Variants in KPNA3 observed in about 807,000 individuals in gnomAD.
The protein encoded by KPNA3 is importin subunit alpha-4.
Under a neutral mutation model 73.8 loss-of-function variants are expected in KPNA3, and 13 were observed. The ratio of observed to expected loss-of-function variants is 0.18; its 90% CI spans 0.11 to 0.28. The LOEUF (loss-of-function observed/expected upper bound fraction) is 0.28. Ranked by LOEUF, KPNA3 falls within the 10% of genes least tolerant of loss-of-function variation. The pLI is 1.00. For missense variants in KPNA3, 360 were observed against 618.1 expected, an observed-to-expected ratio of 0.58 and a Z score of 4.43; for synonymous variants, 186 against 206.9, an observed-to-expected ratio of 0.90 and a Z score of 0.87.
chr13:49,776,913 A>G lies in KPNA3; in HGVS notation c.69+15525T>C, dbSNP rs543051499. ...ATTTACAGTCAGTTCAAATTTATAA[A>G]AAGATACTAACTGTATAGTCCATTG... On this transcript the variant is annotated intron_variant, in intron 1 of 16. Coordinates refer to ENST00000261667, the MANE Select transcript of KPNA3 (RefSeq NM_002267.4). Among the ~76,000 whole-genome samples the G allele has an allele frequency of 3.3e-5, 5 of 152,366 alleles. No individual in the cohort carries two copies. The East Asian group carries it at 9.6e-4, about 29-fold the overall frequency.
At chr13:49,710,004 A>C (rs1218245258) in intron 11 of KPNA3, among the ~76,000 whole-genome samples, 1 of 152,154 alleles carries the variant, frequency 6.6e-6, no homozygotes, top group African/African-American at 2.4e-5. Context: ...GCTCATGCCT[A>C]TAATCCCAGC....
chr13:49,746,811 A>G lies in KPNA3; in HGVS notation c.114+138T>C. 6 of 631,604 alleles carry G rather than the reference A, an allele frequency of 9.5e-6. No individual in the cohort carries two copies. The South Asian group carries it at 1.2e-4, about 12-fold the overall frequency. The allele number at this position is 631,604 out of a possible 1,614,324, so 39.1% of individuals were successfully genotyped here. ...TAAATGAAAGCTATTATGAATAAGT[A>G]CCATGATAAAGTATCCAGTGATGTG... On this transcript the variant is annotated intron_variant, in intron 2 of 16. Transcript: ENST00000261667.
intron 2 of KPNA3, among the ~76,000 whole-genome samples, chr13:49,737,591 G>C (rs1223668295): frequency 6.7e-6 from 1 of 148,344 alleles, no homozygotes; most frequent in African/African-American, 2.5e-5. Flanking sequence ...GTGTGTGTGT[G>C]TGTGTGTGTG....
rs775786299 is a variant in KPNA3, at chr13:49,700,458, T to A, written c.*1342A>T. On this transcript the variant is annotated 3_prime_UTR_variant, in exon 17 of 17. Coordinates refer to ENST00000261667, the MANE Select transcript of KPNA3 (RefSeq NM_002267.4). Reference sequence around the variant, plus strand: ...CCATATTCTTTCATTAATAACTGGGTCAGACAATTTACCAAAAGCAATAAC... The same window carrying A: ...CCATATTCTTTCATTAATAACTGGGACAGACAATTTACCAAAAGCAATAAC... The A allele has an allele frequency of 9.2e-5, 14 of 152,638 alleles. No homozygotes were observed. Among genetic ancestry groups the A allele is most frequent in the Non-Finnish European group, 1.8e-4 (12 of 68,040 alleles). 9.5% of individuals were successfully genotyped at this position (152,638 alleles called of 1,614,324 possible). A position where few individuals can be genotyped will look rare whatever the true frequency, so the allele number is the denominator to read the frequency against.
chr13:49,753,895 A>G (rs926636017), intron 1 of KPNA3, among the ~76,000 whole-genome samples: 2 of 152,230 alleles, frequency 1.3e-5, no homozygotes, highest in African/African-American at 4.8e-5. Flanking sequence ...CTGGTGCCAT[A>G]AAGGTTGGGG....
At chr13:49,766,798 T>G (rs1451746358) in intron 1 of KPNA3, among the ~76,000 whole-genome samples, 2 of 152,056 alleles carry the variant, frequency 1.3e-5, no homozygotes, top group East Asian at 3.9e-4. Context: ...CATCAAAAAT[T>G]AAAGCTTGTT....
chr13:49,718,222 C>T (rs922345503), intron 10 of KPNA3, among the ~76,000 whole-genome samples: 1 of 152,152 alleles, frequency 6.6e-6, no homozygotes, highest in African/African-American at 2.4e-5. Flanking sequence ...CAGAGAGATC[C>T]AGCACAGCAA....
At chr13:49,789,456 T>C (rs1384548396) in intron 1 of KPNA3, among the ~76,000 whole-genome samples, 1 of 152,220 alleles carries the variant, frequency 6.6e-6, no homozygotes, top group Non-Finnish European at 1.5e-5. Context: ...CTCTATCCTT[T>C]TATTTTCTTT....
At chr13:49,742,919 T>G (rs1024696722) in intron 2 of KPNA3, among the ~76,000 whole-genome samples, 2 of 152,148 alleles carry the variant, frequency 1.3e-5, no homozygotes, top group African/African-American at 4.8e-5. Context: ...TAAGTGCATA[T>G]TTTTAGAGAT....
intron 1 of KPNA3, among the ~76,000 whole-genome samples, chr13:49,761,319 G>A (rs192349591): frequency 6.6e-6 from 1 of 152,020 alleles, no homozygotes; most frequent in Admixed American, 6.5e-5. Flanking sequence ...CTGCCATCTC[G>A]GCTCACTGCA....
chr13:49,781,510 G>C (rs1001099145), intron 1 of KPNA3, among the ~76,000 whole-genome samples: 4 of 152,166 alleles, frequency 2.6e-5, no homozygotes, highest in South Asian at 2.1e-4. Flanking sequence ...ACATAGTTAA[G>C]TGCTCAACAA....
rs531401654 is a variant in KPNA3, at chr13:49,761,794, G to A, written c.70-14801C>T. ...GCTGCCATCCCGTCTAGGAAGCGAG[G>A]AGCATCTCTGCCCGGCCGCCCATCG... is the stretch of plus-strand genomic sequence containing the variant. On this transcript the variant is annotated intron_variant, in intron 1 of 16. Transcript: ENST00000261667. Among the ~76,000 whole-genome samples the A allele has an allele frequency of 1.6e-3, 249 of 152,016 alleles. 1 individual carries two copies. Among genetic ancestry groups the A allele is most frequent in the Middle Eastern group, 6.8e-3 (2 of 294 alleles).
intron 1 of KPNA3, among the ~76,000 whole-genome samples, chr13:49,767,416 TAA>T (rs200281474): frequency 3.2e-4 from 31 of 96,066 alleles, no homozygotes; most frequent in Admixed American, 7.1e-4. Context: ...TCTGTCTCAA[TAA>T]AAAAAAAAAA....
intron 1 of KPNA3, among the ~76,000 whole-genome samples, chr13:49,764,168 G>T (rs146057540): frequency 9.0e-6 from 1 of 111,004 alleles, no homozygotes; most frequent in Middle Eastern, 4.9e-3. Flanking sequence ...ATCTCGCTCT[G>T]TTTTTGTTTC....
intron 10 of KPNA3, among the ~76,000 whole-genome samples, chr13:49,712,375 C>T (rs1327850740): frequency 6.6e-6 from 1 of 151,324 alleles, no homozygotes; most frequent in East Asian, 1.9e-4. Flanking sequence ...CAATTATGAA[C>T]ACATTTGAAA....
In KPNA3 at chr13:49,702,256, T is replaced by C. The variant is rs1042659382; in HGVS notation, c.1467+130A>G. On this transcript the variant is annotated intron_variant, in intron 16 of 16. Coordinates refer to ENST00000261667, the MANE Select transcript of KPNA3 (RefSeq NM_002267.4). The stretch of plus-strand genomic sequence containing the variant: ...AAAGTATTTAAGAGAAAGTGACTGA[T>C]GGAATGTCTAATAGAAATACAGTAC... The C allele has an allele frequency of 4.9e-6, 3 of 607,028 alleles. No individual in the cohort carries two copies. In the African/African-American group the frequency reaches 5.9e-5, roughly 12 times the overall value. 37.6% of individuals were successfully genotyped at this position (607,028 alleles called of 1,614,324 possible). A position where few individuals can be genotyped will look rare whatever the true frequency, so the allele number is the denominator to read the frequency against.
intron 12 of KPNA3, among the ~76,000 whole-genome samples, chr13:49,707,620 C>T (rs920497360): frequency 2.0e-5 from 3 of 151,984 alleles, no homozygotes; most frequent in East Asian, 3.9e-4. Context: ...CATCACAGGC[C>T]GGAACCTTTC....
intron 11 of KPNA3, among the ~76,000 whole-genome samples, chr13:49,709,983 T>C (rs1204221446): frequency 6.6e-6 from 1 of 152,124 alleles, no homozygotes; most frequent in Non-Finnish European, 1.5e-5. Flanking sequence ...TTCTTAAGGC[T>C]GGGCATGGTG....
chr13:49,734,950 T>TAGAGAGAG (rs879944192), intron 2 of KPNA3, among the ~76,000 whole-genome samples: 5 of 76,090 alleles, frequency 6.6e-5, no homozygotes, highest in African/African-American at 1.0e-4. Context: ...GAGAGAGAGA[T>TAGAGAGAG]AGATAGAGAG....
Sources: allele counts gnomAD v4.1 joint callset (sites outside exome capture counted in the v4.1 genomes callset), GRCh38; gene constraint gnomAD v4.1.1; transcripts MANE v1.5; gene names NCBI Gene and HGNC (gene_info 2026-07-23, HGNC 2026-07-21).